The following ZNF185 variants were observed in gnomAD, a reference collection of about 807,000 sequenced individuals.
The protein encoded by ZNF185 is zinc finger protein 185 with LIM domain, also known as zinc finger protein 185.
Under a neutral mutation model 58.6 loss-of-function variants are expected in ZNF185, and 56 were observed. The ratio of observed to expected loss-of-function variants is 0.95; its 90% CI spans 0.77 to 1.19. The LOEUF (loss-of-function observed/expected upper bound fraction) is 1.19, where lower values mean the gene tolerates loss of function less well. Among genes scored for constraint, ZNF185 ranks in the 50% most tolerant of loss-of-function variants. ZNF185 has a pLI of 0.00. For synonymous variants in ZNF185, 230 were observed against 215.9 expected, an observed-to-expected ratio of 1.07 and a Z score of -0.57; for missense variants, 627 against 573.5, an observed-to-expected ratio of 1.09 and a Z score of -0.95.
rs989945729 is a variant in ZNF185, at chrX:152,931,578, C to T, written c.918-94C>T. The T allele has an allele frequency of 1.5e-5, 12 of 775,418 alleles. No individual in the cohort carries two copies. The African/African-American group carries it at 1.7e-4, about 11-fold the overall frequency. The allele number at this position is 775,418 out of a possible 1,213,427, so 63.9% of individuals were successfully genotyped here. The stretch of plus-strand genomic sequence containing the variant: ...CGGCCCAGTAGCAGGTTTTAAGCTC[C>T]GTGGAGACAGCTGGCGTTTGAGGAT... On this transcript the variant is annotated intron_variant, in intron 12 of 22. Coordinates refer to ENST00000449285, the Ensembl canonical transcript of ZNF185.
chrX:152,907,733 G>A, the ZNF185 span, among the ~76,000 whole-genome samples: 4 of 113,067 alleles, frequency 3.5e-5, no homozygotes, highest in African/African-American at 1.3e-4. Context: ...AGCACAGAGA[G>A]GGGTACTGTG....
At chrX:152,960,026 C>T (rs2049304697) in intron 17 of ZNF185, 130 bp downstream of exon 19, 1 of 627,713 alleles carries the variant, frequency 1.6e-6, no homozygotes, top group African/African-American at 2.3e-5. Flanking sequence ...GGTTAGGAGC[C>T]AGAGGGAAGG....
chrX:152,970,653 C>T, intron 22 of ZNF185, 112 bp downstream of exon 24: 5 of 632,067 alleles, frequency 7.9e-6, no homozygotes, highest in Non-Finnish European at 9.8e-6. Flanking sequence ...TTTCTTGGCT[C>T]TTCCTTATGT....
chrX:152,910,684 G>A (rs1274352833), upstream of ZNF185, among the ~76,000 whole-genome samples: 2 of 112,165 alleles, frequency 1.8e-5, no homozygotes, highest in Non-Finnish European at 3.8e-5. Flanking sequence ...TGCTGTACTC[G>A]TGCAATTTCT....
intron 15 of ZNF185, chrX:152,941,974 C>A (rs1006361432): frequency 1.2e-6 from 1 of 835,848 alleles, no homozygotes; most frequent in Non-Finnish European, 1.6e-6. Flanking sequence ...GGGCCATGGC[C>A]TCTGGGACAC....
intron 15 of ZNF185, among the ~76,000 whole-genome samples, chrX:152,943,656 G>T (rs782805103): frequency 8.9e-5 from 10 of 112,891 alleles, no homozygotes; most frequent in Non-Finnish European, 1.7e-4. Flanking sequence ...CACAGGCCTA[G>T]GAAAGAAGAA....
intron 7 of ZNF185, among the ~76,000 whole-genome samples, chrX:152,919,783 G>T (rs1269679409): frequency 8.9e-6 from 1 of 112,528 alleles, no homozygotes; most frequent in Admixed American, 9.4e-5. Flanking sequence ...CAGCCACCAG[G>T]TCCATATCTG....
the ZNF185 span, among the ~76,000 whole-genome samples, chrX:152,905,716 G>C: frequency 2.8e-5 from 3 of 108,556 alleles, no homozygotes; most frequent in Non-Finnish European, 3.8e-5. Context: ...ACAGGCTTGG[G>C]GGGGGGGCGG....
intron 16 of ZNF185, among the ~76,000 whole-genome samples, chrX:152,955,449 A>G (rs782088299): frequency 8.9e-6 from 1 of 112,623 alleles, no homozygotes; most frequent in South Asian, 3.6e-4. Flanking sequence ...TTACAGGACA[A>G]AAACAAAACC....
chrX:152,959,630 C>G (rs2049261645), intron 16 of ZNF185, 69 bp from the exon 19 acceptor site: 3 of 1,097,930 alleles, frequency 2.7e-6, no homozygotes, highest in Non-Finnish European at 3.7e-6. Flanking sequence ...GACAGCCAGC[C>G]TACCTGCCAT....
the ZNF185 span, among the ~76,000 whole-genome samples, chrX:152,904,735 G>T: frequency 9.0e-6 from 1 of 111,667 alleles, no homozygotes; most frequent in Non-Finnish European, 1.9e-5. Context: ...GCCTCCAGGG[G>T]GAGTCTGTGC....
At chrX:152,944,855 G>A (rs782442059) in intron 15 of ZNF185, among the ~76,000 whole-genome samples, 3 of 111,943 alleles carry the variant, frequency 2.7e-5, no homozygotes, top group East Asian at 2.8e-4. Flanking sequence ...TTAGCTGGGC[G>A]TGGTAGTGTA....
upstream of ZNF185, among the ~76,000 whole-genome samples, chrX:152,909,666 G>A (rs1936831162): frequency 8.9e-6 from 1 of 112,463 alleles, no homozygotes; most frequent in East Asian, 2.8e-4. Flanking sequence ...CCTGCTCTCC[G>A]CTTCCTTCTC....
At chrX:152,939,179 A>G (rs782012788) in intron 15 of ZNF185, among the ~76,000 whole-genome samples, 41 of 112,364 alleles carry the variant, frequency 3.6e-4, no homozygotes, top group Non-Finnish European at 5.4e-4. Context: ...TTTTCATACC[A>G]CATTGCTGTT....
Position 152,938,949 on chromosome X carries a change from G to C in ZNF185, c.1211+786G>C, listed in dbSNP as rs181431975. Among the ~76,000 whole-genome samples, 321 of 102,629 alleles carry C rather than the reference G, an allele frequency of 3.1e-3. 4 individuals are homozygous for C. Among genetic ancestry groups the C allele is most frequent in the Admixed American group, 0.021 (212 of 9,952 alleles). 89.1% of individuals were successfully genotyped at this position (102,629 alleles called of 115,157 possible). A position where few individuals can be genotyped will look rare whatever the true frequency, so the allele number is the denominator to read the frequency against. On this transcript the variant is annotated intron_variant, in intron 15 of 22. Transcript: ENST00000449285. Reference sequence around the variant, plus strand: ...AACTCTAGAAAGAACACGGTGGAGAGAGCTATAGATAAGGAACCACAAACC... The same window carrying C: ...AACTCTAGAAAGAACACGGTGGAGACAGCTATAGATAAGGAACCACAAACC...
rs782216813 is a variant in ZNF185, at chrX:152,936,291, C to G, written c.1122-1783C>G. 54 of 524,279 alleles carry G rather than the reference C, an allele frequency of 1.0e-4. No homozygotes were observed. In the South Asian group the frequency reaches 1.2e-3, roughly 12 times the overall value. The allele number at this position is 524,279 out of a possible 1,213,427, so 43.2% of individuals were successfully genotyped here. A position where few individuals can be genotyped will look rare whatever the true frequency, so the allele number is the denominator to read the frequency against. ...GCCTTGAGATATAAATATTGTTCCT[C>G]AAGCATCCATTTGAGCAGCTTCTTG... On this transcript the variant is annotated intron_variant, in intron 14 of 22. Coordinates refer to ENST00000449285, the Ensembl canonical transcript of ZNF185.
chrX:152,932,669 C>G (rs2125516946), intron 13 of ZNF185, among the ~76,000 whole-genome samples: 1 of 112,101 alleles, frequency 8.9e-6, no homozygotes, highest in South Asian at 3.7e-4. Flanking sequence ...CCACCTTGCT[C>G]CCAACCAACC....
chrX:152,931,735 T>G (rs1394819963), exon 13 of ZNF185: 1 of 1,209,247 alleles, frequency 8.3e-7, no homozygotes, highest in Non-Finnish European at 1.1e-6. Context: ...GGGACTTGGC[T>G]GGTGAGGAGG....
chrX:152,909,904 CTTTTTTTTT>C (rs1223634856), upstream of ZNF185, among the ~76,000 whole-genome samples: 3 of 90,232 alleles, frequency 3.3e-5, no homozygotes, highest in African/African-American at 1.4e-4. Flanking sequence ...GGCATCAACT[CTTTTTTTTT>C]TTTTTTTTTT....
Sources: gnomAD v4.1 joint callset for allele counts (sites outside exome capture counted in the v4.1 genomes callset) on GRCh38, gnomAD v4.1.1 for gene constraint, MANE v1.5 for transcripts, NCBI Gene and HGNC (gene_info 2026-07-23, HGNC 2026-07-21) for gene names.